The following WDR27 variants were observed in gnomAD, a reference collection of about 807,000 sequenced individuals.
WDR27 encodes the protein WD repeat domain 27.
A neutral mutation model predicts 114.4 loss-of-function variants in WDR27; 100 were observed. The ratio of observed to expected loss-of-function variants is 0.87; its 90% CI spans 0.74 to 1.03. The LOEUF (loss-of-function observed/expected upper bound fraction) is 1.03. Ranked by LOEUF, WDR27 falls within the 50% of genes least tolerant of loss-of-function variation. The pLI, the probability that WDR27 is intolerant of heterozygous loss-of-function variation, is 0.00. For missense variants in WDR27, 1,129 were observed against 1,092.9 expected (o/e 1.03, Z -0.47); for synonymous variants, 449 against 423.1 (o/e 1.06, Z -0.75).
In WDR27 at chr6:169,658,346, T is replaced by A; in HGVS notation, c.1332A>T (p.Leu444=). 1 of 1,597,166 alleles carries A rather than the reference T, an allele frequency of 6.3e-7. No individual in the cohort carries two copies. The highest frequency in any genetic ancestry group is 8.5e-7 in the Non-Finnish European group (1 of 1,172,122). The part of the protein sequence containing the change: ...SLSVPASSCV[L]PTSPLYLGIA... ...TTCCCAGATACAGTGGAGAGGTCGGTAGGACACAGGAGCTGAAACAGAAAC... is the reference window on the plus strand; with the variant it reads ...TTCCCAGATACAGTGGAGAGGTCGGAAGGACACAGGAGCTGAAACAGAAAC... Residue 444 remains leucine (L), a synonymous_variant, in exon 13 of 26, where the codon CTA becomes CTT. Coordinates refer to ENST00000448612, the MANE Select transcript of WDR27 (RefSeq NM_182552.5).
chr6:169,564,549 C>G (rs533544243), intron 25 of WDR27, among the ~76,000 whole-genome samples: 1 of 152,358 alleles, frequency 6.6e-6, no homozygotes, highest in East Asian at 1.9e-4. Flanking sequence ...CCTCCCTCAC[C>G]ACCTCCTGAC....
chr6:169,504,616 G>T (rs868053293), intron 25 of WDR27, among the ~76,000 whole-genome samples: 12 of 152,104 alleles, frequency 7.9e-5, no homozygotes, highest in African/African-American at 2.4e-4. Flanking sequence ...TTTAAAAAAA[G>T]ATTTTTTTTT....
intron 25 of WDR27, among the ~76,000 whole-genome samples, chr6:169,494,937 C>T (rs1240805193): frequency 6.6e-6 from 1 of 152,172 alleles, no homozygotes; most frequent in Non-Finnish European, 1.5e-5. Context: ...TAAGTACTTA[C>T]ATGCTGTGAT....
chr6:169,648,449 C>A (rs1332872655), intron 15 of WDR27, among the ~76,000 whole-genome samples: 1 of 152,236 alleles, frequency 6.6e-6, no homozygotes, highest in Non-Finnish European at 1.5e-5. Flanking sequence ...AAAATCAGAG[C>A]TGAACGGAAC....
chr6:169,659,219 C>G lies in WDR27; in HGVS notation c.1198-12G>C. The G allele has an allele frequency of 5.0e-6, 8 of 1,584,628 alleles. No individual in the cohort carries two copies. The highest frequency in any genetic ancestry group is 1.4e-5 in the African/African-American group (1 of 73,456). ...AGCAAGCACAGCACCTGCAGGGACG[C>G]GGTTTCAACATCGTTAGCGACACCA... On this transcript the variant is annotated splice_polypyrimidine_tract_variant and intron_variant, in intron 11 of 25. Coordinates refer to ENST00000448612, the MANE Select transcript of WDR27 (RefSeq NM_182552.5). The surrounding 1 kb of genome is among the most constrained non-coding windows in gnomAD (Gnocchi z 4.3).
chr6:169,564,527 T>C (rs1386105296), intron 25 of WDR27, among the ~76,000 whole-genome samples: 1 of 152,246 alleles, frequency 6.6e-6, no homozygotes, highest in Non-Finnish European at 1.5e-5. Context: ...TTGTGGTTCC[T>C]GGATCCGTGT....
At chr6:169,638,340 A>AAAAAAAAAAAAAAAAAAG (rs1818237674) in intron 18 of WDR27, among the ~76,000 whole-genome samples, 199 bp downstream of exon 18, 2 of 140,052 alleles carry the variant, frequency 1.4e-5, no homozygotes, top group East Asian at 3.2e-4. Context: ...AAAAAAAAAA[A>AAAAAAAAAAAAAAAAAAG]AAAAAAAAAA....
chr6:169,672,114 A>G (rs1410696206), intron 3 of WDR27, 141 bp downstream of exon 3: 1 of 817,230 alleles, frequency 1.2e-6, no homozygotes. Context: ...GTTCAAGGTA[A>G]AGAGAGTACA....
intron 1 of WDR27, among the ~76,000 whole-genome samples, chr6:169,696,460 GCA>G (rs1411979923): frequency 6.6e-6 from 1 of 152,170 alleles, no homozygotes; most frequent in Non-Finnish European, 1.5e-5. Context: ...ACCCAAACGT[GCA>G]CACACATGTA....
At chr6:169,630,881 A>C (rs1816165834) in intron 21 of WDR27, among the ~76,000 whole-genome samples, 1 of 124,880 alleles carries the variant, frequency 8.0e-6, no homozygotes, top group South Asian at 3.0e-4. Context: ...GAGACAGAGG[A>C]AGATTCCATC....
intron 23 of WDR27, among the ~76,000 whole-genome samples, chr6:169,593,316 T>C (rs945717868): frequency 2.0e-5 from 3 of 152,208 alleles, no homozygotes; most frequent in African/African-American, 4.8e-5. Context: ...AAAAGTGGCC[T>C]GTTAAATTTG....
chr6:169,635,517 C>T (rs940761956), intron 19 of WDR27, among the ~76,000 whole-genome samples: 1 of 152,212 alleles, frequency 6.6e-6, no homozygotes, highest in African/African-American at 2.4e-5. Context: ...CCAGAAGTCA[C>T]TCCTGGGATG....
chr6:169,566,670 G>C (rs1399401672), intron 25 of WDR27, among the ~76,000 whole-genome samples: 1 of 150,166 alleles, frequency 6.7e-6, no homozygotes, highest in Non-Finnish European at 1.5e-5. Flanking sequence ...CAACGTTAGA[G>C]ACTACTGGAG....
chr6:169,635,137 G>A (rs566766198), intron 19 of WDR27, among the ~76,000 whole-genome samples: 7 of 152,278 alleles, frequency 4.6e-5, no homozygotes, highest in Non-Finnish European at 1.0e-4. Flanking sequence ...GGAGGCCGAG[G>A]CGGGCAGATC....
At chr6:169,485,794 G>A (rs889414306) in intron 25 of WDR27, among the ~76,000 whole-genome samples, 5 of 152,194 alleles carry the variant, frequency 3.3e-5, no homozygotes, top group African/African-American at 9.7e-5. Flanking sequence ...GAAAGAAAAC[G>A]TGGGACATAT....
chr6:169,503,321 A>G (rs1174043704), intron 25 of WDR27, among the ~76,000 whole-genome samples: 3 of 152,220 alleles, frequency 2.0e-5, no homozygotes, highest in Non-Finnish European at 4.4e-5. Flanking sequence ...TTCATACAAC[A>G]TAAGAGAATG....
chr6:169,433,930 A>G, the WDR27 span, among the ~76,000 whole-genome samples: 1 of 152,074 alleles, frequency 6.6e-6, no homozygotes, highest in Admixed American at 6.6e-5. Flanking sequence ...CCACTTTTGT[A>G]TGGGGTTGTT....
chr6:169,654,130 C>G (rs1390945283), intron 13 of WDR27, among the ~76,000 whole-genome samples: 5 of 152,146 alleles, frequency 3.3e-5, no homozygotes, highest in Admixed American at 2.0e-4. Flanking sequence ...AAAATTGATG[C>G]AAAACTCCTC....
At chr6:169,430,700 G>C in the WDR27 span, among the ~76,000 whole-genome samples, 3 of 152,234 alleles carry the variant, frequency 2.0e-5, no homozygotes, top group African/African-American at 7.2e-5. Flanking sequence ...CTCTGGCACA[G>C]AGCTGTCCTC....
Sources: gnomAD v4.1 joint callset for allele counts (sites outside exome capture counted in the v4.1 genomes callset) on GRCh38, gnomAD v4.1.1 for gene constraint, Gnocchi (gnomAD v3.1) non-coding constraint, MANE v1.5 for transcripts, NCBI Gene and HGNC (gene_info 2026-07-23, HGNC 2026-07-21) for gene names.